The following DPP10 variants were observed in gnomAD, a reference collection of about 807,000 sequenced individuals.
DPP10 encodes dipeptidyl peptidase like 10.
DPP10 carries 33 observed loss-of-function variants against 120.9 expected under a neutral mutation model. That is an observed-to-expected ratio of 0.27 (90% CI 0.21 to 0.37). DPP10 has a LOEUF of 0.37. Among genes scored for constraint, DPP10 ranks in the 10% least tolerant of loss-of-function variants. The pLI is 1.00. For synonymous variants in DPP10, 337 were observed against 326.1 expected (o/e 1.03, Z -0.36); for missense variants, 816 against 942.8 (o/e 0.87, Z 1.76).
At chr2:115,489,045 T>G (rs2075944362) in intron 3 of DPP10, among the ~76,000 whole-genome samples, 2 of 152,096 alleles carry the variant, frequency 1.3e-5, no homozygotes, top group Admixed American at 1.3e-4. Context: ...TAAAATATAG[T>G]AAGTAAAAGA....
At chr2:114,519,768 C>A (rs543990373) in intron 1 of DPP10, among the ~76,000 whole-genome samples, 1 of 152,300 alleles carries the variant, frequency 6.6e-6, no homozygotes, top group Admixed American at 6.5e-5. Flanking sequence ...AGCTGCATTG[C>A]CCTGTTACTT....
At chr2:115,353,483 G>C (rs2064167647) in intron 3 of DPP10, among the ~76,000 whole-genome samples, 1 of 151,958 alleles carries the variant, frequency 6.6e-6, no homozygotes, top group Non-Finnish European at 1.5e-5. Flanking sequence ...CCCTTTATTA[G>C]CTCTTAATTT....
At position 115,777,339 on chromosome 2, in the gene DPP10, G is replaced by A. The variant is rs146702143; in HGVS notation, c.1313+40G>A. The stretch of plus-strand genomic sequence containing the variant: ...TTCTCTAGTCAGGCTGCAAGTTAGC[G>A]TTGTCAAATGCCATCTTTTCTAATA... On this transcript the variant is annotated intron_variant, in intron 14 of 25. Coordinates refer to ENST00000410059, the MANE Select transcript of DPP10 (RefSeq NM_020868.6). The A allele has an allele frequency of 1.1e-4, 168 of 1,527,776 alleles. No individual in the cohort carries two copies. The African/African-American group carries it at 1.2e-3, about 11-fold the overall frequency. The allele number at this position is 1,527,776 out of a possible 1,614,324, so 94.6% of individuals were successfully genotyped here. A position where few individuals can be genotyped will look rare whatever the true frequency, so the allele number is the denominator to read the frequency against.
chr2:114,868,525 C>T (rs966570977), intron 1 of DPP10, among the ~76,000 whole-genome samples: 2 of 152,112 alleles, frequency 1.3e-5, no homozygotes, highest in African/African-American at 4.8e-5. Context: ...TTTATCACAA[C>T]AGGAGTCATG....
intron 1 of DPP10, among the ~76,000 whole-genome samples, chr2:115,243,436 T>A (rs1025476410): frequency 6.6e-6 from 1 of 152,148 alleles, no homozygotes; most frequent in African/African-American, 2.4e-5. Flanking sequence ...AAAAATAAAA[T>A]AAGGGTCAGT....
chr2:115,422,710 T>C (rs145328857), intron 3 of DPP10, among the ~76,000 whole-genome samples: 2 of 152,134 alleles, frequency 1.3e-5, no homozygotes, highest in Non-Finnish European at 2.9e-5. Context: ...AAAAATAATA[T>C]CCAATAATGT....
At chr2:115,375,021 T>G (rs965738055) in intron 3 of DPP10, among the ~76,000 whole-genome samples, 2 of 152,246 alleles carry the variant, frequency 1.3e-5, no homozygotes, top group African/African-American at 4.8e-5. Flanking sequence ...TTCTCTTCAC[T>G]TATGCAAAGT....
intron 1 of DPP10, among the ~76,000 whole-genome samples, chr2:114,770,148 T>C (rs1466413104): frequency 6.6e-6 from 1 of 152,120 alleles, no homozygotes; most frequent in Non-Finnish European, 1.5e-5. Context: ...AAAATACCCA[T>C]GCAGGGTTTC....
At position 115,812,275 on chromosome 2, in the gene DPP10, A is replaced by G. The variant is rs1223147626; in HGVS notation, c.1701-2518A>G. ...AATAAATCCACAAGCTTCAAAATGCAGTATCTTTATGTAAACTCAAGTCTT... is the reference window on the plus strand; with the variant it reads ...AATAAATCCACAAGCTTCAAAATGCGGTATCTTTATGTAAACTCAAGTCTT... On this transcript the variant is annotated intron_variant, in intron 19 of 25. Coordinates refer to ENST00000410059, the MANE Select transcript of DPP10 (RefSeq NM_020868.6). Among the ~76,000 whole-genome samples, 4 of 152,328 alleles carry G rather than the reference A, an allele frequency of 2.6e-5. No individual in the cohort carries two copies. The East Asian group carries it at 7.7e-4, about 29-fold the overall frequency.
intron 1 of DPP10, among the ~76,000 whole-genome samples, chr2:114,746,422 C>T (rs1195029959): frequency 6.6e-6 from 1 of 152,186 alleles, no homozygotes; most frequent in South Asian, 2.1e-4. Flanking sequence ...TTCCTCTGCT[C>T]CCAGATCAGA....
intron 1 of DPP10, among the ~76,000 whole-genome samples, chr2:115,254,702 A>T (rs1401576265): frequency 6.6e-6 from 1 of 152,136 alleles, no homozygotes; most frequent in Non-Finnish European, 1.5e-5. Flanking sequence ...CAGATGGGGG[A>T]AATTGGCCAA....
intron 1 of DPP10, among the ~76,000 whole-genome samples, chr2:114,682,794 A>G (rs926082437): frequency 6.6e-6 from 1 of 151,608 alleles, no homozygotes; most frequent in African/African-American, 2.4e-5. Flanking sequence ...CTATCTATCT[A>G]TCTATCTATC....
At chr2:114,728,428 G>A (rs17040472) in intron 1 of DPP10, among the ~76,000 whole-genome samples, 53 of 152,180 alleles carry the variant, frequency 3.5e-4, no homozygotes, top group Middle Eastern at 3.4e-3. Flanking sequence ...TCTGAGCCTC[G>A]GGTGTTTGTA....
At chr2:115,501,711 T>C (rs892326184) in intron 4 of DPP10, among the ~76,000 whole-genome samples, 9 of 152,006 alleles carry the variant, frequency 5.9e-5, no homozygotes, top group Admixed American at 5.9e-4. Flanking sequence ...TACCCAAAAC[T>C]GAGAACAAAA....
At chr2:114,781,771 G>T (rs1457964088) in intron 1 of DPP10, among the ~76,000 whole-genome samples, 1 of 152,028 alleles carries the variant, frequency 6.6e-6, no homozygotes, top group Non-Finnish European at 1.5e-5. Context: ...TCTGGTATCT[G>T]CCTGTTCTTC....
At chr2:115,289,485 CAAA>C (rs71394125) in intron 1 of DPP10, among the ~76,000 whole-genome samples, 2 of 38,920 alleles carry the variant, frequency 5.1e-5, no homozygotes, top group African/African-American at 9.7e-5. Context: ...CATAAGAAAC[CAAA>C]AAAAAAAAAA....
chr2:115,828,225 A>G (rs1162024419), intron 21 of DPP10, among the ~76,000 whole-genome samples: 2 of 152,192 alleles, frequency 1.3e-5, no homozygotes, highest in Middle Eastern at 3.4e-3. Flanking sequence ...ATTTTTTTCA[A>G]TAAGAATATG....
rs137952711 is a variant in DPP10 at position 114,892,899 on chromosome 2, C to T, written c.61-416340C>T. 6.7e-3 allele frequency among the ~76,000 whole-genome samples: 1,023 copies of T among 152,236 alleles called. 13 individuals carry two copies. The highest frequency in any genetic ancestry group is 0.024 in the African/African-American group (985 of 41,552). On this transcript the variant is annotated intron_variant, in intron 1 of 25. Coordinates refer to ENST00000410059, the MANE Select transcript of DPP10 (RefSeq NM_020868.6). ...GATGGGAAGGGAAAAGTCCCACAAC[C>T]AAGAAAGATGGGATTTAGCAGAAGC...
Position 115,753,302 on chromosome 2 carries a change from G to T in DPP10, c.1074+5G>T. The T allele has an allele frequency of 6.3e-7, 1 of 1,589,430 alleles. No homozygotes were observed. Among genetic ancestry groups the T allele is most frequent in the Non-Finnish European group, 8.6e-7 (1 of 1,167,264 alleles). On this transcript the variant is annotated splice_donor_5th_base_variant and intron_variant, in intron 11 of 25. Coordinates refer to ENST00000410059, the MANE Select transcript of DPP10 (RefSeq NM_020868.6). ...ACTACAGGTGCTTGTAGTAAAGTGA[G>T]TATAATTTATTTTTCTTTTATGCCT... is the stretch of plus-strand genomic sequence containing the variant.
Sources: allele counts gnomAD v4.1 joint callset (sites outside exome capture counted in the v4.1 genomes callset), GRCh38; gene constraint gnomAD v4.1.1; transcripts MANE v1.5; gene names NCBI Gene and HGNC (gene_info 2026-07-23, HGNC 2026-07-21).